MUS81: variants seen among roughly 807,000 people sequenced by gnomAD.
The protein encoded by MUS81 is MUS81 structure-specific endonuclease subunit.
A neutral mutation model predicts 74.2 loss-of-function variants in MUS81; 69 were observed. The observed-to-expected ratio is 0.93, with a 90% CI of 0.77 to 1.14. The LOEUF (loss-of-function observed/expected upper bound fraction) is 1.14. Ranked by LOEUF, MUS81 falls within the 50% of genes most tolerant of loss-of-function variation. The pLI is 0.00. For synonymous variants in MUS81, 303 were observed against 300.6 expected (o/e 1.01, Z -0.08); for missense variants, 711 against 726.5 (o/e 0.98, Z 0.25).
chr11:65,863,982 G>A, intron 10 of MUS81, 81 bp downstream of exon 10: 1 of 1,408,598 alleles, frequency 7.1e-7, no homozygotes, highest in Non-Finnish European at 1.0e-6. Flanking sequence ...GGGCACTTCT[G>A]GCAGCCTCCT....
chr11:65,865,813 T>G lies in MUS81; in HGVS notation c.1508T>G (p.Leu503Arg). 1.2e-6 allele frequency: 2 copies of G among 1,613,630 alleles called. No individual in the cohort carries two copies. The highest frequency in any genetic ancestry group is 1.7e-6 in the Non-Finnish European group (2 of 1,179,916). ...LVDRYSTPASLLAAYDACATP... is the reference protein window; with the variant it reads ...LVDRYSTPASRLAAYDACATP... ...AAACTCAAACCCCTGCCCCCCAGCC[T>G]CCTGGCCGCCTATGATGCCTGTGCC... Residue 503 changes from leucine to arginine, a missense_variant and splice_region_variant, in exon 15 of 16, where the codon CTC (leucine) becomes CGC (arginine). Coordinates refer to ENST00000308110, the MANE Select transcript of MUS81 (RefSeq NM_025128.5).
At chr11:65,866,641 C>T, downstream of MUS81, 1 of 703,416 alleles carries the variant, frequency 1.4e-6, no homozygotes, top group Non-Finnish European at 2.6e-6. Flanking sequence ...TCCTCGTTAC[C>T]TCCTCTCCTC....
intron 1 of MUS81, 29 bp from the exon 2 acceptor site, chr11:65,860,944 G>T: frequency 1.2e-6 from 2 of 1,610,194 alleles, no homozygotes; most frequent in Admixed American, 1.7e-5. Flanking sequence ...GGCCTGCCCT[G>T]ACCAGGTACC....
chr11:65,860,961 C>T lies in MUS81; in HGVS notation c.136-12C>T, dbSNP rs766768419. The T allele has an allele frequency of 1.6e-5, 26 of 1,611,274 alleles. No homozygotes were observed. The South Asian group carries it at 2.4e-4, about 15-fold the overall frequency. ...CCTGCCCTGACCAGGTACCCTACCC[C>T]TGCCCGGCCAGGCGCTGCGTTCCCT... On this transcript the variant is annotated splice_polypyrimidine_tract_variant and intron_variant, in intron 1 of 15. Coordinates refer to ENST00000308110, the MANE Select transcript of MUS81 (RefSeq NM_025128.5).
At chr11:65,861,771 A>G (rs1363718867) in intron 3 of MUS81, 176 bp from the exon 4 acceptor site, 2 of 639,338 alleles carry the variant, frequency 3.1e-6, no homozygotes, top group Non-Finnish European at 5.6e-6. Flanking sequence ...CTGCCCCGAA[A>G]CTGCCTGCTG....
downstream of MUS81, chr11:65,866,458 C>T (rs1025674177): frequency 8.6e-6 from 6 of 700,622 alleles, no homozygotes; most frequent in Non-Finnish European, 1.6e-5. Flanking sequence ...CCAGTTGCCT[C>T]GTTTTATAGA....
At chr11:65,864,881 T>C (rs1859759357) in intron 12 of MUS81, 66 bp downstream of exon 12, 4 of 1,579,926 alleles carry the variant, frequency 2.5e-6, no homozygotes, top group East Asian at 4.5e-5. Context: ...GCCTGGGCCC[T>C]GTGCATCCCC....
chr11:65,861,680 T>C, intron 3 of MUS81: 1 of 600,528 alleles, frequency 1.7e-6, no homozygotes, highest in Admixed American at 3.0e-5. Context: ...GGGTCACCAT[T>C]ATTGAGTTTT....
Position 65,864,536 on chromosome 11 carries a change from C to T in MUS81, c.1099C>T (p.Leu367=), listed in dbSNP as rs758420383. Reference sequence around the variant, plus strand: ...CTGTGGTCTGGAGCGCCGGGTATACCTGGTGGAAGAGCATGGTTCCGTCCA... The same window carrying T: ...CTGTGGTCTGGAGCGCCGGGTATACTTGGTGGAAGAGCATGGTTCCGTCCA... ...KRCGLERRVY[L]VEEHGSVHNL... The change falls in exon 11 of 16, where the codon CTG becomes TTG. Residue 367 remains leucine (L), a synonymous_variant. Transcript: ENST00000308110. 6.2e-7 allele frequency: 1 copy of T among 1,614,172 alleles called. No individual in the cohort carries two copies. Among genetic ancestry groups the T allele is most frequent in the Non-Finnish European group, 8.5e-7 (1 of 1,180,024 alleles).
intron 3 of MUS81, 78 bp downstream of exon 3, chr11:65,861,513 G>T: frequency 1.6e-6 from 2 of 1,285,312 alleles, no homozygotes; most frequent in Non-Finnish European, 2.2e-6. Flanking sequence ...GATTTGGCAA[G>T]CCTGAGTCCA....
chr11:65,867,588 G>A (rs1859876809), downstream of MUS81: 5 of 520,520 alleles, frequency 9.6e-6, no homozygotes, highest in East Asian at 3.6e-5. Context: ...CCCTGCACAC[G>A]CCATTCCCTT....
At chr11:65,862,995 G>C (rs1859670145) in intron 6 of MUS81, 70 bp from the exon 7 acceptor site, 3 of 1,598,292 alleles carry the variant, frequency 1.9e-6, no homozygotes, top group Non-Finnish European at 2.6e-6. Context: ...AGCCCAGCTG[G>C]GGGCAGGCAG....
rs774160660 is a variant in MUS81, at chr11:65,861,060, C to T, written c.223C>T (p.Arg75Trp). The T allele has an allele frequency of 1.2e-6, 2 of 1,612,630 alleles. No individual in the cohort carries two copies. Among genetic ancestry groups the T allele is most frequent in the South Asian group, 1.1e-5 (1 of 91,080 alleles). The change falls in exon 2 of 16, where the codon CGG becomes TGG. Residue 75 changes from arginine to tryptophan, a missense_variant. Physicochemically the swap from Arg to Trp is moderately radical, Grantham distance 101. Transcript: ENST00000308110. ...ILQHFGDGLC[R>W]MLDERLQRHR... ...ACAGCACTTCGGAGACGGGCTCTGCCGGATGCTGGACGAGCGGCTGCAGCG... is the reference window on the plus strand; with the variant it reads ...ACAGCACTTCGGAGACGGGCTCTGCTGGATGCTGGACGAGCGGCTGCAGCG...
In MUS81 at chr11:65,860,636, C is replaced by T. The variant is rs1859551491; in HGVS notation, c.-118C>T. 3 of 1,413,314 alleles carry T rather than the reference C, an allele frequency of 2.1e-6. No homozygotes were observed. Among genetic ancestry groups the T allele is most frequent in the African/African-American group, 1.4e-5 (1 of 70,660 alleles). The allele number at this position is 1,413,314 out of a possible 1,614,324, so 87.5% of individuals were successfully genotyped here. ...GGGCCCCGTGATCTCAACGGTCCTG[C>T]CCTCGGTCTCCCTCTTCCCCCGCCC... is the stretch of plus-strand genomic sequence containing the variant. On this transcript the variant is annotated 5_prime_UTR_variant, in exon 1 of 16. Coordinates refer to ENST00000308110, the MANE Select transcript of MUS81 (RefSeq NM_025128.5).
upstream of MUS81, chr11:65,860,117 C>T (rs1264354852): frequency 2.6e-6 from 1 of 380,188 alleles, no homozygotes; most frequent in African/African-American, 2.1e-5. Flanking sequence ...ATCACCATTT[C>T]CTCCAAGGGT....
chr11:65,864,937 C>G (rs1377639233), intron 12 of MUS81, 80 bp from the exon 13 acceptor site: 14 of 1,593,098 alleles, frequency 8.8e-6, no homozygotes, highest in South Asian at 1.1e-5. Flanking sequence ...GGCTGGCCCC[C>G]CAAGGCTGAG....
Position 65,861,392 on chromosome 11 carries a change from C to T in MUS81, c.308C>T (p.Ala103Val), listed in dbSNP as rs1271658848. 6.2e-7 allele frequency: 1 copy of T among 1,603,828 alleles called. No homozygotes were observed. The highest frequency in any genetic ancestry group is 8.5e-7 in the Non-Finnish European group (1 of 1,174,284). ...TCACCATCTGGAGAGAACAGTCCAG[C>T]CCCGCAGGGGCGACTTGCGGAAGTC... ...PDSPSGENSP[A>V]PQGRLAEVQD... The change falls in exon 3 of 16, where the codon GCC (alanine) becomes GTC (valine). Residue 103 changes from alanine to valine, a missense_variant. Physicochemically the swap from Ala to Val is moderately conservative, Grantham distance 64. Coordinates refer to ENST00000308110, the MANE Select transcript of MUS81 (RefSeq NM_025128.5).
chr11:65,864,472 C>T, intron 10 of MUS81, 25 bp from the exon 11 acceptor site: 2 of 1,597,992 alleles, frequency 1.3e-6, no homozygotes, highest in Non-Finnish European at 8.6e-7. Flanking sequence ...CTGACCCTCC[C>T]TGTCCACTCT....
At chr11:65,864,917 C>T in intron 12 of MUS81, 100 bp from the exon 13 acceptor site, 2 of 1,579,942 alleles carry the variant, frequency 1.3e-6, no homozygotes, top group Non-Finnish European at 1.7e-6. Flanking sequence ...GGTGAGATCC[C>T]CATTTCTCAG....
Sources: gnomAD v4.1 joint callset for allele counts on GRCh38, gnomAD v4.1.1 for gene constraint, MANE v1.5 for transcripts, NCBI Gene and HGNC (gene_info 2026-07-23, HGNC 2026-07-21) for gene names.